The following MTMR1 variants were observed in gnomAD, a reference collection of about 807,000 sequenced individuals.
MTMR1 encodes myotubularin related protein 1, also known as phosphatidylinositol-3-phosphate phosphatase MTMR1.
A neutral mutation model predicts 51.6 loss-of-function variants in MTMR1; 17 were observed. That is an observed-to-expected ratio of 0.33 (90% CI 0.23 to 0.49). MTMR1 has a LOEUF of 0.49. Among genes scored for constraint, MTMR1 ranks in the 20% least tolerant of loss-of-function variants. The pLI, the probability that MTMR1 is intolerant of heterozygous loss-of-function variation, is 0.99. For missense variants in MTMR1, 386 were observed against 526.9 expected, an observed-to-expected ratio of 0.73 and a Z score of 2.62; for synonymous variants, 201 against 205.6, an observed-to-expected ratio of 0.98 and a Z score of 0.19.
intron 12 of MTMR1, 83 bp from the exon 13 acceptor site, chrX:150,744,278 A>T: frequency 1.3e-6 from 1 of 754,792 alleles, no homozygotes; most frequent in Non-Finnish European, 2.0e-6. Flanking sequence ...ATGAGATGTG[A>T]TTCTTACCAC....
intron 14 of MTMR1, among the ~76,000 whole-genome samples, chrX:150,751,773 C>T: frequency 9.1e-6 from 1 of 110,478 alleles, no homozygotes; most frequent in Middle Eastern, 4.7e-3. Context: ...CAGTACACAG[C>T]ACCACTGGCC....
At chrX:150,760,255 G>A (rs2043058107) in intron 15 of MTMR1, among the ~76,000 whole-genome samples, 1 of 106,911 alleles carries the variant, frequency 9.4e-6, no homozygotes, top group Non-Finnish European at 2.0e-5. Context: ...TGGCTGGTGT[G>A]GGTGTCCAGT....
At chrX:150,731,442 CTCT>C (rs782682351) in intron 8 of MTMR1, 25 bp from the exon 9 acceptor site, 14 of 1,143,529 alleles carry the variant, frequency 1.2e-5, no homozygotes, top group African/African-American at 9.0e-5. Context: ...GCATTTCACC[CTCT>C]TCTTCTTTCT....
intron 6 of MTMR1, among the ~76,000 whole-genome samples, chrX:150,729,699 A>G (rs2042052536): frequency 8.9e-6 from 1 of 112,314 alleles, no homozygotes; most frequent in Admixed American, 9.5e-5. Flanking sequence ...TATGCACATG[A>G]GAATGTATGT....
intron 3 of MTMR1, among the ~76,000 whole-genome samples, chrX:150,717,060 A>G (rs2041547007): frequency 9.0e-6 from 1 of 110,928 alleles, no homozygotes; most frequent in Admixed American, 9.6e-5. Context: ...AAGATGTCTC[A>G]CTAAAAAAAG....
At chrX:150,693,772 C>A in intron 1 of MTMR1, 96 bp downstream of exon 1, 1 of 600,471 alleles carries the variant, frequency 1.7e-6, no homozygotes, top group Non-Finnish European at 2.0e-6. Context: ...CTGCGCAGGG[C>A]CTGGCGGTGG....
chrX:150,739,745 A>G (rs2042372768), intron 12 of MTMR1, among the ~76,000 whole-genome samples: 1 of 112,244 alleles, frequency 8.9e-6, no homozygotes, highest in Admixed American at 9.4e-5. Context: ...AGCCACCACT[A>G]TGTGTTTGGC....
intron 14 of MTMR1, among the ~76,000 whole-genome samples, chrX:150,755,041 AAAAG>A (rs1163614416): frequency 3.7e-5 from 4 of 108,336 alleles, no homozygotes; most frequent in African/African-American, 1.3e-4. Flanking sequence ...AAAAAAAAAA[AAAAG>A]GAGTCACAAA....
chrX:150,718,192 C>T (rs1387484038), intron 3 of MTMR1, among the ~76,000 whole-genome samples: 1 of 112,526 alleles, frequency 8.9e-6, no homozygotes, highest in Non-Finnish European at 1.9e-5. Context: ...CCCAAACTTT[C>T]TCTTAGGCTG....
intron 11 of MTMR1, 24 bp downstream of exon 11, chrX:150,736,804 T>C (rs782255800): frequency 1.7e-6 from 2 of 1,158,375 alleles, no homozygotes; most frequent in Non-Finnish European, 2.3e-6. Context: ...GCACTTTATA[T>C]GCTTTCCAGT....
intron 3 of MTMR1, among the ~76,000 whole-genome samples, chrX:150,714,015 A>G (rs2041410646): frequency 1.8e-5 from 2 of 112,388 alleles, no homozygotes; most frequent in South Asian, 7.2e-4. Context: ...TGAGCAATGT[A>G]ATATGAATAC....
At position 150,731,258 on chromosome X, in the gene MTMR1, G is replaced by A. The variant is rs782433105; in HGVS notation, c.742-212G>A. 6.3e-5 allele frequency among the ~76,000 whole-genome samples: 7 copies of A among 111,813 alleles called. No individual in the cohort carries two copies. In the Admixed American group the frequency reaches 6.6e-4, roughly 11 times the overall value. ...TAATTTTCATGTTTTAGTATGGTTT[G>A]GATATTCTTATGCTTCTTTAGATTT... is the stretch of plus-strand genomic sequence containing the variant. On this transcript the variant is annotated intron_variant, in intron 8 of 15. Coordinates refer to ENST00000445323, the MANE Select transcript of MTMR1 (RefSeq NM_001306144.3).
chrX:150,743,471 A>T (rs1232738370), intron 12 of MTMR1, among the ~76,000 whole-genome samples: 2 of 112,254 alleles, frequency 1.8e-5, no homozygotes, highest in African/African-American at 3.2e-5. Flanking sequence ...CACAATTAAA[A>T]TTTTTTTTAT....
At chrX:150,745,514 CTG>C (rs1169528253) in intron 13 of MTMR1, among the ~76,000 whole-genome samples, 5 of 111,964 alleles carry the variant, frequency 4.5e-5, no homozygotes, top group Non-Finnish European at 7.5e-5. Flanking sequence ...TGCAGAAAGT[CTG>C]TGAAATACTA....
Position 150,736,711 on chromosome X carries a change from G to A in MTMR1, c.1197G>A (p.Val399=), listed in dbSNP as rs1569565720. ...CACTACGCAAATTAAAAGAGATTGT[G>A]TACCCTTCGATCGATGAGGCGCGGT... is the stretch of plus-strand genomic sequence containing the variant. ...RESLRKLKEI[V]YPSIDEARWL... is the part of the protein sequence containing the mutation. The change falls in exon 11 of 16, where the codon GTG becomes GTA. Residue 399 remains valine (V), a synonymous_variant. Coordinates refer to ENST00000445323, the MANE Select transcript of MTMR1 (RefSeq NM_001306144.3). The A allele has an allele frequency of 8.3e-7, 1 of 1,211,465 alleles. No individual in the cohort carries two copies. The highest frequency in any genetic ancestry group is 2.2e-5 in the Admixed American group (1 of 46,031).
intron 15 of MTMR1, among the ~76,000 whole-genome samples, chrX:150,758,295 C>T (rs782058042): frequency 9.0e-6 from 1 of 111,053 alleles, no homozygotes; most frequent in Non-Finnish European, 1.9e-5. Context: ...GATATTGGGA[C>T]AGCTTTCTAC....
chrX:150,757,757 G>C (rs938659641), intron 15 of MTMR1, among the ~76,000 whole-genome samples: 22 of 112,142 alleles, frequency 2.0e-4, no homozygotes, highest in African/African-American at 7.1e-4. Flanking sequence ...ACTTGCATCT[G>C]TGTCCCTCTC....
chrX:150,744,936 T>C (rs1220669332), intron 13 of MTMR1, among the ~76,000 whole-genome samples: 2 of 112,153 alleles, frequency 1.8e-5, no homozygotes, highest in Admixed American at 9.4e-5. Flanking sequence ...ACCAATGGCA[T>C]AGAGGAAGCT....
At chrX:150,698,678 G>A (rs61062360) in intron 1 of MTMR1, among the ~76,000 whole-genome samples, 14,940 of 69,735 alleles carry the variant, frequency 0.21, 1,762 homozygotes, top group African/African-American at 0.36. Context: ...CTACACGCGC[G>A]CGCACACACA....
Sources: allele counts gnomAD v4.1 joint callset (sites outside exome capture counted in the v4.1 genomes callset), GRCh38; gene constraint gnomAD v4.1.1; transcripts MANE v1.5; gene names NCBI Gene and HGNC (gene_info 2026-07-23, HGNC 2026-07-21).